STAT4: variants seen among roughly 807,000 people sequenced by gnomAD.
STAT4 encodes signal transducer and activator of transcription 4.
A neutral mutation model predicts 110.5 loss-of-function variants in STAT4; 42 were observed. The ratio of observed to expected loss-of-function variants is 0.38; its 90% confidence interval spans 0.30 to 0.49. The LOEUF (loss-of-function observed/expected upper bound fraction) is 0.49, where lower values mean the gene tolerates loss of function less well. Ranked by LOEUF, STAT4 falls within the 20% of genes least tolerant of loss-of-function variation. The pLI is 0.95. For synonymous variants in STAT4, 284 were observed against 302.2 expected (o/e 0.94, Z 0.63); for missense variants, 632 against 887.9 (o/e 0.71, Z 3.66).
rs1298875165 is a variant in STAT4 at position 191,042,936 on chromosome 2, T to C, written c.1252-1788A>G. Among the ~76,000 whole-genome samples, 3 of 152,232 alleles carry C rather than the reference T, an allele frequency of 2.0e-5. No individual in the cohort carries two copies. Among genetic ancestry groups the C allele is most frequent in the South Asian group, 2.1e-4 (1 of 4,832 alleles). On this transcript the variant is annotated intron_variant, in intron 14 of 23. Transcript: ENST00000392320. The surrounding 1 kb of genome is among the most constrained non-coding windows in gnomAD (Gnocchi z 4.2). ...CTGGGATTACAGGCATGCGCCACCA[T>C]GCCTGGCTAATTTTGTATTTTTAGT... is the stretch of plus-strand genomic sequence containing the variant.
intron 3 of STAT4, among the ~76,000 whole-genome samples, chr2:191,119,390 T>C (rs550427844): frequency 6.6e-6 from 1 of 152,292 alleles, no homozygotes; most frequent in South Asian, 2.1e-4. Flanking sequence ...TTAATTTCAT[T>C]GTGCTTATAA....
At chr2:191,133,815 C>T (rs1411738986) in intron 3 of STAT4, among the ~76,000 whole-genome samples, 1 of 150,182 alleles carries the variant, frequency 6.7e-6, no homozygotes, top group Non-Finnish European at 1.5e-5. Context: ...AAACTTACTC[C>T]TACACAAAAT....
chr2:191,114,896 A>C (rs1446616248), intron 3 of STAT4, among the ~76,000 whole-genome samples: 1 of 152,128 alleles, frequency 6.6e-6, no homozygotes, highest in Non-Finnish European at 1.5e-5. Flanking sequence ...TCGCAGGCAA[A>C]ATTTCACAGA....
At chr2:191,137,508 T>C (rs1574194365) in intron 3 of STAT4, among the ~76,000 whole-genome samples, 2 of 151,124 alleles carry the variant, frequency 1.3e-5, no homozygotes, top group East Asian at 3.9e-4. Flanking sequence ...AAAAACAAAA[T>C]AGTAAAATAG....
Position 191,050,497 on chromosome 2 carries a change from A to G in STAT4, c.1251+3993T>C, listed in dbSNP as rs561670959. Among the ~76,000 whole-genome samples, 1 of 152,326 alleles carries G rather than the reference A, an allele frequency of 6.6e-6. No individual in the cohort carries two copies. Among genetic ancestry groups the G allele is most frequent in the South Asian group, 2.1e-4 (1 of 4,822 alleles). The stretch of plus-strand genomic sequence containing the variant: ...TCTTAAAGTTAAATTCATTTTTAAA[A>G]ATCTAAAGCTCCTACCCTATGTTGC... On this transcript the variant is annotated intron_variant, in intron 14 of 23. Coordinates refer to ENST00000392320, the MANE Select transcript of STAT4 (RefSeq NM_003151.4). This position sits in a 1 kb window ranked among gnomAD's most constrained non-coding sequence, Gnocchi z 4.3.
Position 191,146,790 on chromosome 2 carries a change from A to T in STAT4, c.129-33T>A, listed in dbSNP as rs754951760. On this transcript the variant is annotated intron_variant, in intron 2 of 23. Coordinates refer to ENST00000392320, the MANE Select transcript of STAT4 (RefSeq NM_003151.4). This position sits in a 1 kb window ranked among gnomAD's most constrained non-coding sequence, Gnocchi z 4.5. ...AAAAAAGGATTATTACACAACAGAA[A>T]ACAACTTTGTAAAATGTCTACTTTT... 1.4e-6 allele frequency: 2 copies of T among 1,468,460 alleles called. No individual in the cohort carries two copies. Among genetic ancestry groups the T allele is most frequent in the Non-Finnish European group, 1.8e-6 (2 of 1,106,894 alleles). 91.0% of individuals were successfully genotyped at this position (1,468,460 alleles called of 1,614,324 possible). A position where few individuals can be genotyped will look rare whatever the true frequency, so the allele number is the denominator to read the frequency against.
At position 191,058,895 on chromosome 2, in the gene STAT4, A is replaced by C. The variant is rs1696776960; in HGVS notation, c.1035-126T>G. ...TATAAATAAACCTTACATTATCTAC[A>C]GTTATATGTTAGTGTGTTTTAAAAA... On this transcript the variant is annotated intron_variant, in intron 10 of 23. Coordinates refer to ENST00000392320, the MANE Select transcript of STAT4 (RefSeq NM_003151.4). The surrounding 1 kb of genome is among the most constrained non-coding windows in gnomAD (Gnocchi z 4.3). The C allele has an allele frequency of 3.4e-6, 2 of 583,518 alleles. No individual in the cohort carries two copies. The highest frequency in any genetic ancestry group is 6.0e-6 in the Non-Finnish European group (2 of 334,866). The allele number at this position is 583,518 out of a possible 1,614,324, so 36.1% of individuals were successfully genotyped here.
chr2:191,078,547 T>C (rs1697376988), intron 3 of STAT4, among the ~76,000 whole-genome samples: 2 of 152,156 alleles, frequency 1.3e-5, no homozygotes, highest in Admixed American at 1.3e-4. Flanking sequence ...TCATTATAGA[T>C]TCAGTAACAA....
In STAT4 at chr2:191,062,644, C is replaced by T; in HGVS notation, c.941+118G>A. The T allele has an allele frequency of 2.7e-6, 3 of 1,101,816 alleles. No homozygotes were observed. The highest frequency in any genetic ancestry group is 2.6e-5 in the East Asian group (1 of 38,584). 68.3% of individuals were successfully genotyped at this position (1,101,816 alleles called of 1,614,324 possible). A position where few individuals can be genotyped will look rare whatever the true frequency, so the allele number is the denominator to read the frequency against. On this transcript the variant is annotated intron_variant, in intron 9 of 23. Transcript: ENST00000392320. This position sits in a 1 kb window ranked among gnomAD's most constrained non-coding sequence, Gnocchi z 4.9. ...AAACTTTCTGGGGTTCTATTCACTT[C>T]TCCCTGAGGCTCGTTGTTGAATACT... is the stretch of plus-strand genomic sequence containing the variant.
rs191664434 is a variant in STAT4, at chr2:191,060,501, C to A, written c.1034+1228G>T. On this transcript the variant is annotated intron_variant, in intron 10 of 23. Coordinates refer to ENST00000392320, the MANE Select transcript of STAT4 (RefSeq NM_003151.4). This position sits in a 1 kb window ranked among gnomAD's most constrained non-coding sequence, Gnocchi z 4.5. Reference sequence around the variant, plus strand: ...TGGCGTGAGTGCAGTGTACTGCAACCTCTACCTACTGGGTTCAAGCGATTC... The same window carrying A: ...TGGCGTGAGTGCAGTGTACTGCAACATCTACCTACTGGGTTCAAGCGATTC... Among the ~76,000 whole-genome samples the A allele has an allele frequency of 6.6e-6, 1 of 152,338 alleles. No individual in the cohort carries two copies. The highest frequency in any genetic ancestry group is 2.4e-5 in the African/African-American group (1 of 41,576).
intron 3 of STAT4, among the ~76,000 whole-genome samples, chr2:191,145,928 C>G (rs1487185944): frequency 6.6e-6 from 1 of 152,170 alleles, no homozygotes; most frequent in Non-Finnish European, 1.5e-5. Flanking sequence ...ACTTGATTTA[C>G]TCACCCCTTA....
intron 3 of STAT4, among the ~76,000 whole-genome samples, chr2:191,141,844 T>A (rs1448688910): frequency 6.6e-6 from 1 of 151,972 alleles, no homozygotes; most frequent in East Asian, 1.9e-4. Context: ...ATGGCCAGGC[T>A]GGTCTCAAAC....
intron 3 of STAT4, among the ~76,000 whole-genome samples, chr2:191,130,359 A>AGCTATTAAG (rs1559080756): frequency 6.6e-6 from 1 of 151,198 alleles, no homozygotes; most frequent in Admixed American, 6.6e-5. Context: ...AGTAGCTTGG[A>AGCTATTAAG]CTACAGGCAC....
chr2:191,151,172 G>A, upstream of STAT4: 1 of 985,582 alleles, frequency 1.0e-6, no homozygotes, highest in Non-Finnish European at 1.2e-6. The surrounding 1 kb of genome is among the most constrained non-coding windows in gnomAD (Gnocchi z 4.7). Context: ...AAACTGCCAG[G>A]CTGGAGCCCC....
rs557179689 is a variant in STAT4, at chr2:191,064,857, G to A, written c.732C>T (p.Ile244=). 69 of 1,613,468 alleles carry A rather than the reference G, an allele frequency of 4.3e-5. No individual in the cohort carries two copies. In the Admixed American group the frequency reaches 8.0e-4, roughly 19 times the overall value. ...ELQDWKRRQQ[I]ACIGGPLHNG... is the part of the protein sequence containing the mutation. ...TGTGGAGTGGACCCCCGATGCAGGC[G>A]ATTTGCTGCCGCCGCTTCCAGTCTT... Residue 244 remains isoleucine (I), a synonymous_variant, in exon 8 of 24, where the codon ATC becomes ATT. Coordinates refer to ENST00000392320, the MANE Select transcript of STAT4 (RefSeq NM_003151.4).
intron 3 of STAT4, among the ~76,000 whole-genome samples, chr2:191,136,631 A>G (rs1323765656): frequency 6.6e-6 from 1 of 152,228 alleles, no homozygotes; most frequent in Admixed American, 6.5e-5. Context: ...ATGTGCCTGT[A>G]TCCCAGCTAC....
intron 3 of STAT4, chr2:191,131,754 T>C: frequency 7.8e-7 from 1 of 1,287,988 alleles, no homozygotes. Flanking sequence ...AGATGGGTAC[T>C]AAATTCCTGT....
Position 191,146,688 on chromosome 2 carries a change from T to C in STAT4, c.198A>G (p.Glu66=), listed in dbSNP as rs1699469288. ...TCTCTTTGGAAACACGACCTAACTG[T>C]TCATCCAGTTGTATTAACAAGTTTT... ...LLQNLLIQLD[E]QLGRVSKEKN... The change falls in exon 3 of 24, where the codon GAA becomes GAG. Residue 66 remains glutamate (E), a synonymous_variant. Coordinates refer to ENST00000392320, the MANE Select transcript of STAT4 (RefSeq NM_003151.4). The surrounding 1 kb of genome is among the most constrained non-coding windows in gnomAD (Gnocchi z 4.5). 1 of 1,594,632 alleles carries C rather than the reference T, an allele frequency of 6.3e-7. No homozygotes were observed. The highest frequency in any genetic ancestry group is 8.5e-7 in the Non-Finnish European group (1 of 1,170,916).
intron 3 of STAT4, among the ~76,000 whole-genome samples, chr2:191,136,424 T>C (rs183057489): frequency 2.0e-5 from 3 of 152,166 alleles, no homozygotes; most frequent in Admixed American, 6.5e-5. Flanking sequence ...GAGAAGGACA[T>C]AAAAGGCACC....
Sources: allele counts gnomAD v4.1 joint callset (sites outside exome capture counted in the v4.1 genomes callset), GRCh38; gene constraint gnomAD v4.1.1; non-coding constraint Gnocchi (gnomAD v3.1); transcripts MANE v1.5; gene names NCBI Gene and HGNC (gene_info 2026-07-23, HGNC 2026-07-21).